RGS5: variants seen among roughly 807,000 people sequenced by gnomAD.
The protein encoded by RGS5 is regulator of G protein signaling 5.
In RGS5, 20 loss-of-function variants were observed where a neutral mutation model predicts 18.9. The ratio of observed to expected loss-of-function variants is 1.06; its 90% CI spans 0.74 to 1.54. RGS5 has a LOEUF of 1.54. Among genes scored for constraint, RGS5 ranks in the 40% most tolerant of loss-of-function variants. The pLI, the probability that RGS5 is intolerant of heterozygous loss-of-function variation, is 0.00. For synonymous variants in RGS5, 57 were observed against 76.2 expected, an observed-to-expected ratio of 0.75 and a Z score of 1.31; for missense variants, 201 against 211.8, an observed-to-expected ratio of 0.95 and a Z score of 0.32.
At chr1:163,223,624 CAATCCACCA>C (rs1436174354) in intron 2 of RGS5, among the ~76,000 whole-genome samples, 1 of 152,152 alleles carries the variant, frequency 6.6e-6, no homozygotes, top group Non-Finnish European at 1.5e-5. Context: ...AAGTTTTAAT[CAATCCACCA>C]AATACCTTTT....
chr1:163,193,116 G>T (rs138448978), intron 1 of RGS5, among the ~76,000 whole-genome samples: 62 of 152,212 alleles, frequency 4.1e-4, no homozygotes, highest in African/African-American at 1.5e-3. Context: ...ACTTTATTTC[G>T]TGTTGCTTTT....
intron 2 of RGS5, among the ~76,000 whole-genome samples, chr1:163,232,808 A>T (rs1048728097): frequency 6.6e-5 from 10 of 152,366 alleles, no homozygotes; most frequent in Non-Finnish European, 8.8e-5. Context: ...CAGAAAATGC[A>T]TAGATGGAGA....
intron 1 of RGS5, among the ~76,000 whole-genome samples, chr1:163,194,939 T>A (rs910889839): frequency 6.6e-6 from 1 of 152,130 alleles, no homozygotes; most frequent in Non-Finnish European, 1.5e-5. Context: ...CAAAAAACAA[T>A]AGATGTTGGC....
chr1:163,278,127 C>A (rs1648902939), intron 2 of RGS5, among the ~76,000 whole-genome samples: 1 of 151,918 alleles, frequency 6.6e-6, no homozygotes, highest in South Asian at 2.1e-4. Context: ...CTTTCTGAGT[C>A]TTGCAAAAAA....
At chr1:163,182,581 G>GA (rs977353331) in intron 1 of RGS5, among the ~76,000 whole-genome samples, 1 of 152,204 alleles carries the variant, frequency 6.6e-6, no homozygotes, top group African/African-American at 2.4e-5. Context: ...CAACAAGACA[G>GA]AAACAGTTTA....
intron 2 of RGS5, among the ~76,000 whole-genome samples, chr1:163,167,512 A>C (rs1050839885): frequency 2.0e-5 from 3 of 152,176 alleles, no homozygotes; most frequent in Non-Finnish European, 4.4e-5. Context: ...TGAGACCTGG[A>C]TTCACTGCCA....
intron 1 of RGS5, among the ~76,000 whole-genome samples, chr1:163,320,511 G>A (rs1227433701): frequency 6.6e-6 from 1 of 152,136 alleles, no homozygotes; most frequent in African/African-American, 2.4e-5. Context: ...GTAGAGATGT[G>A]CTCTCAGTCA....
intron 2 of RGS5, among the ~76,000 whole-genome samples, chr1:163,270,801 T>C (rs897958934): frequency 1.3e-5 from 2 of 152,146 alleles, no homozygotes; most frequent in Non-Finnish European, 2.9e-5. Context: ...TCCCATGAAC[T>C]TTTCCTTCTG....
At chr1:163,185,732 A>G (rs571348060) in intron 1 of RGS5, among the ~76,000 whole-genome samples, 1 of 152,368 alleles carries the variant, frequency 6.6e-6, no homozygotes, top group Non-Finnish European at 1.5e-5. Context: ...AGAAAAAGCA[A>G]ACATTAAGAG....
intron 2 of RGS5, among the ~76,000 whole-genome samples, chr1:163,276,005 C>CT (rs201739099): frequency 0.072 from 10,773 of 149,356 alleles, 391 homozygotes; most frequent in South Asian, 0.097. Context: ...GTGGCACATT[C>CT]TTTTTTTTTT....
intron 2 of RGS5, among the ~76,000 whole-genome samples, chr1:163,299,387 A>G (rs1649500087): frequency 6.6e-6 from 1 of 152,200 alleles, no homozygotes; most frequent in African/African-American, 2.4e-5. Context: ...AAGAGCAACA[A>G]TGAAAAACTC....
At chr1:163,173,741 T>C (rs1262308288) in intron 1 of RGS5, among the ~76,000 whole-genome samples, 1 of 152,204 alleles carries the variant, frequency 6.6e-6, no homozygotes, top group Non-Finnish European at 1.5e-5. Flanking sequence ...GTATAGCAGA[T>C]ATTTTTCCAA....
chr1:163,229,290 G>C (rs1450160560), intron 2 of RGS5, among the ~76,000 whole-genome samples: 1 of 152,156 alleles, frequency 6.6e-6, no homozygotes, highest in Non-Finnish European at 1.5e-5. Context: ...GAGAGAATGA[G>C]TGCAAGCAGG....
At chr1:163,294,581 T>C (rs574166408) in intron 2 of RGS5, among the ~76,000 whole-genome samples, 2 of 152,368 alleles carry the variant, frequency 1.3e-5, no homozygotes, top group Non-Finnish European at 2.9e-5. Context: ...ATCTCTGACA[T>C]GCCCCGGAGA....
intron 1 of RGS5, among the ~76,000 whole-genome samples, chr1:163,175,485 G>A (rs1318614539): frequency 2.0e-5 from 3 of 152,172 alleles, no homozygotes; most frequent in Non-Finnish European, 4.4e-5. Flanking sequence ...GAATATGCTA[G>A]TGGAAAGTCG....
chr1:163,257,078 G>A (rs552839724), intron 2 of RGS5, among the ~76,000 whole-genome samples: 1 of 152,202 alleles, frequency 6.6e-6, no homozygotes, highest in Non-Finnish European at 1.5e-5. Flanking sequence ...CATGGGTCTG[G>A]AGAACACCAA....
chr1:163,214,426 C>T (rs1660173612), intron 1 of RGS5, among the ~76,000 whole-genome samples: 1 of 152,142 alleles, frequency 6.6e-6, no homozygotes, highest in South Asian at 2.1e-4. Context: ...CAGAAACGAA[C>T]ACCTTCACAT....
At chr1:163,201,801 G>A (rs768551093) in intron 1 of RGS5, among the ~76,000 whole-genome samples, 1 of 152,118 alleles carries the variant, frequency 6.6e-6, no homozygotes, top group Non-Finnish European at 1.5e-5. Flanking sequence ...AAAATCTTCC[G>A]AGACAAACAC....
intron 1 of RGS5, 24 bp downstream of exon 1, chr1:163,202,768 A>G: frequency 1.9e-6 from 3 of 1,611,426 alleles, no homozygotes; most frequent in Non-Finnish European, 2.5e-6. Flanking sequence ...TGCATCTCTT[A>G]AACAAAAATA....
Sources: gnomAD v4.1 joint callset for allele counts (sites outside exome capture counted in the v4.1 genomes callset) on GRCh38, gnomAD v4.1.1 for gene constraint, MANE v1.5 for transcripts, NCBI Gene and HGNC (gene_info 2026-07-23, HGNC 2026-07-21) for gene names.